ASCC3: variants seen among roughly 807,000 people sequenced by gnomAD.
ASCC3 encodes activating signal cointegrator 1 complex subunit 3, also known as ASC-1 complex subunit P200.
ASCC3 carries 158 observed loss-of-function variants against 256.3 expected under a neutral mutation model. That is an observed-to-expected ratio of 0.62 (90% CI 0.54 to 0.70). The LOEUF is 0.70. Among genes scored for constraint, ASCC3 ranks in the 30% least tolerant of loss-of-function variants. The pLI, the probability that ASCC3 is intolerant of heterozygous loss-of-function variation, is 0.00. For synonymous variants in ASCC3, 948 were observed against 883.4 expected (o/e 1.07, Z -1.30); for missense variants, 2,259 against 2,626.0 (o/e 0.86, Z 3.05).
chr6:100,606,714 T>G (rs200528298), intron 32 of ASCC3, 26 bp downstream of exon 32: 1 of 1,582,360 alleles, frequency 6.3e-7, no homozygotes, highest in East Asian at 2.2e-5. Context: ...GAGCTTCATG[T>G]ATTTCTGTGA....
intron 37 of ASCC3, among the ~76,000 whole-genome samples, chr6:100,528,355 T>C (rs1774696948): frequency 1.3e-5 from 2 of 152,310 alleles, no homozygotes; most frequent in South Asian, 2.1e-4. Flanking sequence ...TAAAGATTTG[T>C]TTTTGCAAAT....
At chr6:100,846,936 T>C (rs780107104) in intron 4 of ASCC3, among the ~76,000 whole-genome samples, 1 of 152,176 alleles carries the variant, frequency 6.6e-6, no homozygotes. Context: ...TGCTATCTTA[T>C]TCATCCTTTT....
intron 13 of ASCC3, among the ~76,000 whole-genome samples, chr6:100,690,472 C>T (rs1288854934): frequency 1.3e-5 from 2 of 152,010 alleles, no homozygotes; most frequent in African/African-American, 4.8e-5. Context: ...AACAATAAAA[C>T]TATAATTTAC....
At chr6:100,687,751 T>G (rs1777652080) in intron 13 of ASCC3, among the ~76,000 whole-genome samples, 1 of 152,138 alleles carries the variant, frequency 6.6e-6, no homozygotes, top group African/African-American at 2.4e-5. Context: ...GTGATGAATT[T>G]ATATTTTAGT....
chr6:100,702,786 T>C (rs1778411303), intron 13 of ASCC3, among the ~76,000 whole-genome samples: 1 of 152,208 alleles, frequency 6.6e-6, no homozygotes, highest in Non-Finnish European at 1.5e-5. Flanking sequence ...TTGATTATTT[T>C]ATTCACAATT....
At chr6:100,866,486 G>C (rs1773484363) in intron 2 of ASCC3, among the ~76,000 whole-genome samples, 1 of 152,144 alleles carries the variant, frequency 6.6e-6, no homozygotes, top group Non-Finnish European at 1.5e-5. Flanking sequence ...GAATCCGTAC[G>C]TTATTGGCTG....
intron 10 of ASCC3, among the ~76,000 whole-genome samples, chr6:100,747,022 T>C (rs1019029461): frequency 2.6e-5 from 4 of 152,086 alleles, no homozygotes; most frequent in African/African-American, 9.7e-5. Flanking sequence ...AACAAAGAGC[T>C]TGTATTCAGT....
intron 5 of ASCC3, among the ~76,000 whole-genome samples, chr6:100,801,530 C>A (rs1043448905): frequency 6.6e-6 from 1 of 152,006 alleles, no homozygotes; most frequent in Admixed American, 6.6e-5. Flanking sequence ...GTTGTTACTG[C>A]CCCATTACAT....
chr6:100,530,577 A>G lies in ASCC3; in HGVS notation c.5775+9586T>C, dbSNP rs191373841. On this transcript the variant is annotated intron_variant, in intron 37 of 41. Transcript: ENST00000369162. ...CCTGGCACTCAATCCAGCCAGCATT[A>G]GTGTGTTGATTATTGCATGGATGTT... 7.6e-6 allele frequency: 6 copies of G among 786,490 alleles called. No homozygotes were observed. In the East Asian group the frequency reaches 1.5e-4, roughly 19 times the overall value. 48.7% of individuals were successfully genotyped at this position (786,490 alleles called of 1,614,324 possible).
chr6:100,540,262 A>G lies in ASCC3; in HGVS notation c.5676T>C (p.His1892=), dbSNP rs2114663063. 6.2e-7 allele frequency: 1 copy of G among 1,613,828 alleles called. No homozygotes were observed. The highest frequency in any genetic ancestry group is 8.5e-7 in the Non-Finnish European group (1 of 1,179,912). The change falls in exon 37 of 42, where the codon CAT becomes CAC. Residue 1892 remains histidine (H), a synonymous_variant. Coordinates refer to ENST00000369162, the MANE Select transcript of ASCC3 (RefSeq NM_006828.4). ...HSFDSPHTKA[H]LLLQAHLSRA... is the part of the protein sequence containing the mutation. ...GGCTGAGATGTGCCTGTAGCAGGAGATGTGCTTTGGTGTGAGGGCTGTCAA... is the reference window on the plus strand; with the variant it reads ...GGCTGAGATGTGCCTGTAGCAGGAGGTGTGCTTTGGTGTGAGGGCTGTCAA...
chr6:100,824,023 A>T (rs1771177885), intron 4 of ASCC3, among the ~76,000 whole-genome samples: 1 of 152,198 alleles, frequency 6.6e-6, no homozygotes, highest in African/African-American at 2.4e-5. Context: ...ATCCTATAAA[A>T]ATCGGCTTAA....
intron 4 of ASCC3, among the ~76,000 whole-genome samples, chr6:100,824,029 C>T (rs927915047): frequency 7.9e-5 from 12 of 151,942 alleles, no homozygotes; most frequent in Admixed American, 2.6e-4. Flanking sequence ...TAAAAATCGG[C>T]TTAAAAAAGA....
At chr6:100,780,814 C>T (rs747310394) in intron 8 of ASCC3, among the ~76,000 whole-genome samples, 4 of 152,068 alleles carry the variant, frequency 2.6e-5, no homozygotes, top group African/African-American at 4.8e-5. Flanking sequence ...TATTCCAACC[C>T]AAGGTATAAA....
intron 3 of ASCC3, among the ~76,000 whole-genome samples, chr6:100,852,990 T>TAAG (rs1554246704): frequency 7.0e-6 from 1 of 143,854 alleles, no homozygotes; most frequent in Non-Finnish European, 1.5e-5. Context: ...TTCCCAGAAT[T>TAAG]AAAAAAAAAA....
chr6:100,720,944 T>C (rs1021690164), intron 11 of ASCC3, among the ~76,000 whole-genome samples: 27 of 148,384 alleles, frequency 1.8e-4, no homozygotes, highest in African/African-American at 6.4e-4. Context: ...AGATTTTATA[T>C]AGAAACTATA....
intron 10 of ASCC3, among the ~76,000 whole-genome samples, chr6:100,751,946 A>T (rs1780963208): frequency 6.6e-6 from 1 of 152,122 alleles, no homozygotes; most frequent in Non-Finnish European, 1.5e-5. Context: ...CCATGTTTTT[A>T]AAAAAGGTCC....
chr6:100,605,484 G>A (rs1303501830), intron 33 of ASCC3, 84 bp downstream of exon 33: 2 of 1,053,942 alleles, frequency 1.9e-6, no homozygotes, highest in Non-Finnish European at 1.4e-6. Flanking sequence ...CTGTTTTACT[G>A]ATTTTTATAT....
chr6:100,696,385 T>C (rs1778083037), intron 13 of ASCC3, among the ~76,000 whole-genome samples: 1 of 152,128 alleles, frequency 6.6e-6, no homozygotes, highest in African/African-American at 2.4e-5. Flanking sequence ...CGTTGGCACA[T>C]AAAATTTCAT....
At chr6:100,781,576 G>T (rs963392694) in intron 8 of ASCC3, among the ~76,000 whole-genome samples, 1 of 146,418 alleles carries the variant, frequency 6.8e-6, no homozygotes, top group African/African-American at 2.5e-5. Context: ...TTTTAGTAGA[G>T]ACACGGTTTC....
Sources: gnomAD v4.1 joint callset for allele counts (sites outside exome capture counted in the v4.1 genomes callset) on GRCh38, gnomAD v4.1.1 for gene constraint, MANE v1.5 for transcripts, NCBI Gene and HGNC (gene_info 2026-07-23, HGNC 2026-07-21) for gene names.